FSTL4: variants seen among roughly 807,000 people sequenced by gnomAD.
The protein encoded by FSTL4 is follistatin like 4, also known as follistatin-related protein 4.
A neutral mutation model predicts 78.2 loss-of-function variants in FSTL4; 28 were observed. The ratio of observed to expected loss-of-function variants is 0.36; its 90% CI spans 0.27 to 0.49. FSTL4 has a LOEUF of 0.49. Among genes scored for constraint, FSTL4 ranks in the 20% least tolerant of loss-of-function variants. The pLI, the probability that FSTL4 is intolerant of heterozygous loss-of-function variation, is 0.98. For missense variants in FSTL4, 922 were observed against 1,084.9 expected, an observed-to-expected ratio of 0.85 and a Z score of 2.11; for synonymous variants, 422 against 440.5, an observed-to-expected ratio of 0.96 and a Z score of 0.53.
chr5:133,635,993 G>A, the FSTL4 span, among the ~76,000 whole-genome samples: 1 of 152,166 alleles, frequency 6.6e-6, no homozygotes. Context: ...ATAGTGCATG[G>A]CATCACGTGA....
chr5:133,593,222 CT>C (rs1217597032), intron 2 of FSTL4, among the ~76,000 whole-genome samples: 1 of 152,152 alleles, frequency 6.6e-6, no homozygotes, highest in Non-Finnish European at 1.5e-5. Flanking sequence ...AACACCACCC[CT>C]GGCCCTGAAA....
chr5:133,542,825 T>C (rs181057226), intron 3 of FSTL4, among the ~76,000 whole-genome samples: 65 of 152,180 alleles, frequency 4.3e-4, no homozygotes, highest in Non-Finnish European at 7.8e-4. Context: ...TCCTCCTCCC[T>C]CTCTCCTCTT....
the FSTL4 span, among the ~76,000 whole-genome samples, chr5:133,718,850 C>T: frequency 2.6e-5 from 4 of 152,182 alleles, no homozygotes; most frequent in Non-Finnish European, 5.9e-5. Context: ...CCATTGAAAC[C>T]ATGTACATAC....
At chr5:133,385,914 A>T (rs1246893606) in intron 4 of FSTL4, among the ~76,000 whole-genome samples, 1 of 152,222 alleles carries the variant, frequency 6.6e-6, no homozygotes, top group Non-Finnish European at 1.5e-5. Flanking sequence ...TTGCTGAATG[A>T]TAATCACTAT....
chr5:133,678,594 G>A, the FSTL4 span, among the ~76,000 whole-genome samples: 1 of 151,966 alleles, frequency 6.6e-6, no homozygotes, highest in Admixed American at 6.6e-5. Context: ...AGGAAATCAA[G>A]AGTCCAGTTT....
In FSTL4 at chr5:133,217,430, A is replaced by T. The variant is rs1423093701; in HGVS notation, c.1459-52T>A. The T allele has an allele frequency of 2.6e-6, 4 of 1,545,414 alleles. No homozygotes were observed. In the Admixed American group the frequency reaches 7.1e-5, roughly 27 times the overall value. On this transcript the variant is annotated intron_variant, in intron 12 of 15. Coordinates refer to ENST00000265342, the MANE Select transcript of FSTL4 (RefSeq NM_015082.2). ...TCTTCTTAATTGCCCTTTCCCTCCAACATCTCTAGGTACTCTCTCCCCTGA... is the reference window on the plus strand; with the variant it reads ...TCTTCTTAATTGCCCTTTCCCTCCATCATCTCTAGGTACTCTCTCCCCTGA...
rs544332550 is a variant in FSTL4, at chr5:133,596,788, A to T, written c.126+7070T>A. On this transcript the variant is annotated intron_variant, in intron 2 of 15. Coordinates refer to ENST00000265342, the MANE Select transcript of FSTL4 (RefSeq NM_015082.2). ...AGATCAAACTGAAACTCACCCTGTG[A>T]TTGAGGGAAGACCTCAGCCCCGCAG... Among the ~76,000 whole-genome samples, 214 of 152,342 alleles carry T rather than the reference A, an allele frequency of 1.4e-3. 1 individual carries two copies. Among genetic ancestry groups the T allele is most frequent in the Non-Finnish European group, 2.5e-3 (167 of 68,026 alleles).
At chr5:133,264,117 C>T (rs961581131) in intron 6 of FSTL4, among the ~76,000 whole-genome samples, 5 of 152,086 alleles carry the variant, frequency 3.3e-5, no homozygotes, top group Non-Finnish European at 5.9e-5. Flanking sequence ...ATCTGGTGGA[C>T]GCAGCCTGAG....
the FSTL4 span, among the ~76,000 whole-genome samples, chr5:133,785,731 G>T: frequency 1.3e-5 from 2 of 152,170 alleles, no homozygotes; most frequent in South Asian, 4.1e-4. Context: ...TGTGGCTCAG[G>T]GTGAGGTTGG....
the FSTL4 span, among the ~76,000 whole-genome samples, chr5:133,660,052 C>G: frequency 1.7e-4 from 26 of 152,186 alleles, no homozygotes; most frequent in African/African-American, 5.8e-4. Flanking sequence ...CCAATATGCT[C>G]AAATTCAAAC....
At chr5:133,779,575 A>G in the FSTL4 span, among the ~76,000 whole-genome samples, 1 of 151,434 alleles carries the variant, frequency 6.6e-6, no homozygotes, top group Non-Finnish European at 1.5e-5. Flanking sequence ...GACAGAGCAA[A>G]ACTCCATCTC....
intron 3 of FSTL4, among the ~76,000 whole-genome samples, chr5:133,563,794 A>G (rs1352131057): frequency 6.6e-6 from 1 of 152,226 alleles, no homozygotes; most frequent in Non-Finnish European, 1.5e-5. Context: ...TGCATATTAC[A>G]TTCCCTGTTG....
At chr5:133,341,898 C>A (rs547275776) in intron 4 of FSTL4, among the ~76,000 whole-genome samples, 1 of 152,306 alleles carries the variant, frequency 6.6e-6, no homozygotes, top group African/African-American at 2.4e-5. Context: ...CAACCCCCAC[C>A]TCTCCAGCCT....
intron 3 of FSTL4, among the ~76,000 whole-genome samples, chr5:133,475,957 A>C (rs1313901714): frequency 1.3e-5 from 2 of 152,120 alleles, no homozygotes; most frequent in African/African-American, 4.8e-5. Flanking sequence ...TGGGCGAATA[A>C]GGCTTATCTT....
At chr5:133,271,158 C>T (rs1381396554) in intron 6 of FSTL4, among the ~76,000 whole-genome samples, 1 of 152,170 alleles carries the variant, frequency 6.6e-6, no homozygotes, top group African/African-American at 2.4e-5. Context: ...CTTTCGATGG[C>T]TCTTAATTTG....
chr5:133,413,478 T>G (rs1756519943), intron 3 of FSTL4, among the ~76,000 whole-genome samples: 1 of 152,198 alleles, frequency 6.6e-6, no homozygotes, highest in Non-Finnish European at 1.5e-5. Context: ...ACATCTTCTC[T>G]GGTTTTCTGC....
rs146548744 is a variant in FSTL4 at position 133,606,206 on chromosome 5, C to T, written c.-10-2213G>A. Among the ~76,000 whole-genome samples, 728 of 152,262 alleles carry T rather than the reference C, an allele frequency of 4.8e-3. 24 individuals are homozygous for T. In the East Asian group the frequency reaches 0.095, roughly 20 times the overall value. ...TGCGATCTCGGCTCACTGCAACCTC[C>T]GCCTCCTGGGTTCAAGTGATTCTCC... On this transcript the variant is annotated intron_variant, in intron 1 of 15. Coordinates refer to ENST00000265342, the MANE Select transcript of FSTL4 (RefSeq NM_015082.2).
intron 6 of FSTL4, among the ~76,000 whole-genome samples, chr5:133,260,933 A>G (rs1190146051): frequency 6.6e-6 from 1 of 152,186 alleles, no homozygotes; most frequent in Non-Finnish European, 1.5e-5. Flanking sequence ...CTCTGGGGGC[A>G]GTGGTAAGAA....
intron 6 of FSTL4, among the ~76,000 whole-genome samples, chr5:133,267,841 C>T (rs766176359): frequency 6.6e-5 from 10 of 152,138 alleles, no homozygotes; most frequent in Non-Finnish European, 1.0e-4. Context: ...GGCAAACCCT[C>T]CTGACCTCCA....
Sources: gnomAD v4.1 joint callset for allele counts (sites outside exome capture counted in the v4.1 genomes callset) on GRCh38, gnomAD v4.1.1 for gene constraint, MANE v1.5 for transcripts, NCBI Gene and HGNC (gene_info 2026-07-23, HGNC 2026-07-21) for gene names.